CSMD1: variants seen among roughly 807,000 people sequenced by gnomAD.
CSMD1 encodes CUB and Sushi multiple domains 1, also known as CUB and sushi domain-containing protein 1.
CSMD1 carries 213 observed loss-of-function variants against 417.5 expected under a neutral mutation model. The ratio of observed to expected loss-of-function variants is 0.51; its 90% CI spans 0.46 to 0.57. CSMD1 has a LOEUF of 0.57. CSMD1 is among the 20% of genes least tolerant of loss of function. CSMD1 has a pLI of 0.00. For missense variants in CSMD1, 6,923 were observed against 4,529.7 expected (o/e 1.53, Z -15.17); for synonymous variants, 2,862 against 1,736.8 (o/e 1.65, Z -16.11).
intron 5 of CSMD1, among the ~76,000 whole-genome samples, chr8:3,996,444 A>T (rs35305946): frequency 0.053 from 7,980 of 150,750 alleles, 268 homozygotes; most frequent in Non-Finnish European, 0.077. Context: ...CATTTTTAAG[A>T]TTTTTTTTTT....
chr8:3,851,949 G>A (rs570836794), intron 5 of CSMD1, among the ~76,000 whole-genome samples: 2 of 152,162 alleles, frequency 1.3e-5, no homozygotes, highest in Non-Finnish European at 1.5e-5. Flanking sequence ...ATGTGAGCTA[G>A]AGAGATAGCA....
chr8:3,542,534 G>A (rs1199239526), intron 10 of CSMD1, among the ~76,000 whole-genome samples: 2 of 152,142 alleles, frequency 1.3e-5, no homozygotes, highest in African/African-American at 4.8e-5. Context: ...ATGCTGGCAG[G>A]GACTGGGAAG....
At chr8:4,291,313 G>A (rs979634577) in intron 3 of CSMD1, among the ~76,000 whole-genome samples, 1 of 151,920 alleles carries the variant, frequency 6.6e-6, no homozygotes, top group African/African-American at 2.4e-5. Flanking sequence ...AAAAGCTAGG[G>A]ATAATGATCA....
intron 41 of CSMD1, among the ~76,000 whole-genome samples, chr8:3,123,050 T>A (rs1335525077): frequency 6.6e-6 from 1 of 152,214 alleles, no homozygotes; most frequent in African/African-American, 2.4e-5. Flanking sequence ...AAGGCTACAG[T>A]GGCGTGTCCC....
intron 21 of CSMD1, among the ~76,000 whole-genome samples, chr8:3,351,893 T>C (rs1808450690): frequency 1.3e-5 from 2 of 152,014 alleles, no homozygotes; most frequent in Non-Finnish European, 2.9e-5. Context: ...TTTTAAAAAT[T>C]TAAATTATGA....
At chr8:4,808,175 C>T (rs1000720781) in intron 1 of CSMD1, among the ~76,000 whole-genome samples, 5 of 152,170 alleles carry the variant, frequency 3.3e-5, no homozygotes, top group South Asian at 2.1e-4. Context: ...TCACAGAGGG[C>T]GGCAGGCAGA....
chr8:3,355,870 C>T (rs1808746145), intron 21 of CSMD1, among the ~76,000 whole-genome samples: 1 of 152,246 alleles, frequency 6.6e-6, no homozygotes, highest in Admixed American at 6.5e-5. Context: ...ACGTGTAATG[C>T]ACATGCCAAC....
intron 2 of CSMD1, among the ~76,000 whole-genome samples, chr8:4,528,861 G>C (rs1277727778): frequency 6.6e-6 from 1 of 151,866 alleles, no homozygotes; most frequent in Non-Finnish European, 1.5e-5. Flanking sequence ...CCTAAGAAAA[G>C]GTATAGTACT....
chr8:3,204,046 C>A (rs1797122126), intron 31 of CSMD1, among the ~76,000 whole-genome samples: 1 of 152,134 alleles, frequency 6.6e-6, no homozygotes, highest in African/African-American at 2.4e-5. Flanking sequence ...GTTTATTTAT[C>A]AGGAAAGAGT....
chr8:4,967,791 G>C (rs1349329674), intron 1 of CSMD1, among the ~76,000 whole-genome samples: 1 of 152,104 alleles, frequency 6.6e-6, no homozygotes, highest in Non-Finnish European at 1.5e-5. Flanking sequence ...AGAACTGTTA[G>C]AATTCACAGG....
At chr8:4,319,051 A>T (rs905767168) in intron 3 of CSMD1, among the ~76,000 whole-genome samples, 1 of 152,202 alleles carries the variant, frequency 6.6e-6, no homozygotes, top group African/African-American at 2.4e-5. Flanking sequence ...TTGTTTGACC[A>T]AATAAACATC....
At chr8:3,645,774 G>C (rs1207320863) in intron 7 of CSMD1, among the ~76,000 whole-genome samples, 3 of 152,160 alleles carry the variant, frequency 2.0e-5, no homozygotes, top group Non-Finnish European at 4.4e-5. Context: ...GAAAAGGTGA[G>C]AAAAACAGAA....
intron 6 of CSMD1, among the ~76,000 whole-genome samples, chr8:3,722,955 A>G (rs1802273148): frequency 6.6e-6 from 1 of 152,112 alleles, no homozygotes; most frequent in South Asian, 2.1e-4. Flanking sequence ...ATTACTACCA[A>G]CTTAAGAGCT....
At position 2,966,622 on chromosome 8, in the gene CSMD1, T is replaced by G; in HGVS notation, c.9048A>C (p.Thr3016=). 6.2e-7 allele frequency: 1 copy of G among 1,613,802 alleles called. No individual in the cohort carries two copies. Among genetic ancestry groups the G allele is most frequent in the South Asian group, 1.1e-5 (1 of 91,034 alleles). Residue 3016 remains threonine, a synonymous_variant, in exon 58 of 70, where the codon ACA becomes ACC. Transcript: ENST00000635120. ...WEGYKTSGLM[T]RHCTANGTWT... is the part of the protein sequence containing the mutation. ...AGGTCCCATTGGCTGTGCAATGCCG[T>G]GTCATGAGCCCTGAGGTCTTGTAGC...
intron 3 of CSMD1, among the ~76,000 whole-genome samples, chr8:4,262,694 C>G (rs1007133756): frequency 3.3e-5 from 5 of 152,052 alleles, no homozygotes; most frequent in African/African-American, 1.2e-4. Context: ...CCTCCAGCCT[C>G]AAGTTATCAC....
chr8:3,349,782 A>C (rs1209426066), intron 21 of CSMD1, among the ~76,000 whole-genome samples: 2 of 114,486 alleles, frequency 1.7e-5, no homozygotes, highest in East Asian at 4.7e-4. Flanking sequence ...TATAAGTCTA[A>C]ATATAAATAT....
intron 10 of CSMD1, among the ~76,000 whole-genome samples, chr8:3,574,438 G>T (rs183268764): frequency 3.3e-4 from 50 of 152,178 alleles, no homozygotes; most frequent in African/African-American, 1.2e-3. Flanking sequence ...TAGAGATGGG[G>T]TTTCACCATG....
chr8:3,352,609 G>A (rs960456025), intron 21 of CSMD1, among the ~76,000 whole-genome samples: 1 of 152,172 alleles, frequency 6.6e-6, no homozygotes, highest in African/African-American at 2.4e-5. Flanking sequence ...GGAGCGCGAG[G>A]CAGGCAGATC....
chr8:3,362,826 C>A (rs762373038), intron 20 of CSMD1, among the ~76,000 whole-genome samples: 29 of 152,166 alleles, frequency 1.9e-4, no homozygotes, highest in Non-Finnish European at 3.8e-4. Context: ...TCAGCTCTAA[C>A]CTTGCATCCT....
Sources: allele counts gnomAD v4.1 joint callset (sites outside exome capture counted in the v4.1 genomes callset), GRCh38; gene constraint gnomAD v4.1.1; transcripts MANE v1.5; gene names NCBI Gene and HGNC (gene_info 2026-07-23, HGNC 2026-07-21).